The following OR1J2 variants were observed in gnomAD, a reference collection of about 807,000 sequenced individuals.
OR1J2 encodes olfactory receptor family 1 subfamily J member 2, also known as olfactory receptor 1J2.
For synonymous variants in OR1J2, 142 were observed against 99.7 expected (o/e 1.42, Z -2.52); for missense variants, 304 against 246.1 (o/e 1.24, Z -1.57).
the OR1J2 span, among the ~76,000 whole-genome samples, chr9:122,535,078 C>CA: frequency 1.3e-3 from 202 of 151,672 alleles, no homozygotes; most frequent in African/African-American, 4.8e-3. Flanking sequence ...GAAGCTTGCC[C>CA]ATAGTGAAGG....
chr9:122,527,180 A>G, the OR1J2 span: 1 of 1,614,162 alleles, frequency 6.2e-7, no homozygotes, highest in Non-Finnish European at 8.5e-7. Context: ...GCAGGTTCCC[A>G]GTCAAGGTGA....
the OR1J2 span, among the ~76,000 whole-genome samples, chr9:122,577,390 T>A: frequency 6.6e-6 from 1 of 152,200 alleles, no homozygotes; most frequent in Non-Finnish European, 1.5e-5. Context: ...TTTACACATA[T>A]GACCTCCACA....
At chr9:122,455,111 A>G in the OR1J2 span, among the ~76,000 whole-genome samples, 1 of 152,198 alleles carries the variant, frequency 6.6e-6, no homozygotes, top group Non-Finnish European at 1.5e-5. Flanking sequence ...TTGTTTATAC[A>G]TGCATCCATT....
the OR1J2 span, chr9:122,477,416 C>T: frequency 6.2e-7 from 1 of 1,613,950 alleles, no homozygotes; most frequent in African/African-American, 1.3e-5. Flanking sequence ...ATGATGTGGT[C>T]AGCACAGAAG....
At chr9:122,560,387 A>G in the OR1J2 span, among the ~76,000 whole-genome samples, 3 of 152,038 alleles carry the variant, frequency 2.0e-5, no homozygotes, top group Admixed American at 6.5e-5. Context: ...CTAGCTGGTT[A>G]TTTTGCACAC....
the OR1J2 span, chr9:122,477,787 A>C: frequency 6.2e-7 from 1 of 1,613,990 alleles, no homozygotes. Context: ...CTGGATGAGC[A>C]GCATGATGAG....
At chr9:122,511,773 A>T, downstream of OR1J2, 1 of 777,778 alleles carries the variant, frequency 1.3e-6, no homozygotes, top group South Asian at 1.3e-5. Flanking sequence ...TTAGAATCTC[A>T]TTTTGGTTTA....
chr9:122,553,835 G>C, the OR1J2 span: 5 of 1,614,026 alleles, frequency 3.1e-6, no homozygotes, highest in Admixed American at 1.7e-5. Flanking sequence ...TGGGCTTGCT[G>C]TTCCTCACTG....
chr9:122,475,078 G>A, the OR1J2 span: 4 of 151,792 alleles, frequency 2.6e-5, no homozygotes, highest in African/African-American at 9.7e-5. Flanking sequence ...TTTTTCCTAG[G>A]TGAATACTTG....
the OR1J2 span, among the ~76,000 whole-genome samples, chr9:122,560,463 A>T: frequency 1.4e-3 from 209 of 152,164 alleles, 2 homozygotes; most frequent in African/African-American, 3.5e-3. Flanking sequence ...AGTGGCTGGT[A>T]CCGGTGTTTC....
chr9:122,469,966 C>T, the OR1J2 span, among the ~76,000 whole-genome samples: 1 of 152,122 alleles, frequency 6.6e-6, no homozygotes, highest in African/African-American at 2.4e-5. Context: ...TAAAGGCATT[C>T]AGTTTTAAAA....
chr9:122,538,824 T>A, the OR1J2 span, among the ~76,000 whole-genome samples: 1 of 152,150 alleles, frequency 6.6e-6, no homozygotes, highest in Non-Finnish European at 1.5e-5. Context: ...AAGTAGGACC[T>A]AAACAATGGG....
chr9:122,519,024 A>AT, the OR1J2 span: 1 of 699,160 alleles, frequency 1.4e-6, no homozygotes, highest in East Asian at 2.6e-5. Context: ...GTAGACAGAC[A>AT]TTGGCATATT....
At chr9:122,503,492 C>T in the OR1J2 span, among the ~76,000 whole-genome samples, 55 of 152,314 alleles carry the variant, frequency 3.6e-4, 1 homozygote, top group Admixed American at 3.5e-3. Flanking sequence ...AGGAACTTTA[C>T]TGATGGATCC....
chr9:122,568,112 G>T, the OR1J2 span: 3 of 1,613,926 alleles, frequency 1.9e-6, no homozygotes, highest in African/African-American at 1.3e-5. Context: ...CCACATAGCG[G>T]TCAAAGGCCA....
the OR1J2 span, chr9:122,567,568 G>A: frequency 1.3e-6 from 2 of 1,586,348 alleles, no homozygotes; most frequent in Non-Finnish European, 1.7e-6. Context: ...TTGCTCATAA[G>A]CTTCCTCAGG....
the OR1J2 span, among the ~76,000 whole-genome samples, chr9:122,466,131 C>T: frequency 3.3e-5 from 5 of 152,030 alleles, no homozygotes; most frequent in African/African-American, 1.2e-4. Context: ...ATTGAATGGC[C>T]CAGGCTCCTT....
At chr9:122,471,113 T>G in the OR1J2 span, among the ~76,000 whole-genome samples, 1 of 151,868 alleles carries the variant, frequency 6.6e-6, no homozygotes, top group East Asian at 1.9e-4. Flanking sequence ...GGACATGAGA[T>G]TTGGAGGGGC....
chr9:122,580,004 A>G, the OR1J2 span, among the ~76,000 whole-genome samples: 3 of 152,194 alleles, frequency 2.0e-5, no homozygotes, highest in Non-Finnish European at 4.4e-5. Flanking sequence ...TCAAGAGCTT[A>G]TCGGTGCAAC....
Sources: allele counts gnomAD v4.1 joint callset (sites outside exome capture counted in the v4.1 genomes callset), GRCh38; gene constraint gnomAD v4.1.1; transcripts MANE v1.5; gene names NCBI Gene and HGNC (gene_info 2026-07-23, HGNC 2026-07-21).